The following SLC44A1 variants were observed in gnomAD, a reference collection of about 807,000 sequenced individuals.
The protein encoded by SLC44A1 is solute carrier family 44 member 1, also known as choline transporter-like protein 1.
In SLC44A1, 26 loss-of-function variants were observed where a neutral mutation model predicts 79.3. The ratio of observed to expected loss-of-function variants is 0.33; its 90% CI spans 0.24 to 0.46. The LOEUF (loss-of-function observed/expected upper bound fraction) is 0.46, where lower values mean the gene tolerates loss of function less well. SLC44A1 is among the 20% of genes least tolerant of loss of function. The pLI is 1.00. For missense variants in SLC44A1, 688 were observed against 798.1 expected (o/e 0.86, Z 1.66); for synonymous variants, 263 against 286.2 (o/e 0.92, Z 0.82).
intron 2 of SLC44A1, among the ~76,000 whole-genome samples, chr9:105,300,323 A>G (rs1423484777): frequency 1.3e-5 from 2 of 152,176 alleles, no homozygotes; most frequent in African/African-American, 2.4e-5. Context: ...TTAGTCTTCT[A>G]CAATTCAAAA....
chr9:105,388,338 G>A (rs2131476551), intron 15 of SLC44A1, among the ~76,000 whole-genome samples: 2 of 152,246 alleles, frequency 1.3e-5, no homozygotes, highest in South Asian at 4.1e-4. Flanking sequence ...ATAGAATTTA[G>A]GATTGCTTAT....
At chr9:105,416,683 G>A (rs1444099809) in intron 15 of SLC44A1, among the ~76,000 whole-genome samples, 3 of 152,208 alleles carry the variant, frequency 2.0e-5, no homozygotes, top group Non-Finnish European at 2.9e-5. Context: ...CTTATAAAGT[G>A]TGAGGCTGGA....
chr9:105,424,254 G>A (rs1332140873), intron 15 of SLC44A1, among the ~76,000 whole-genome samples: 1 of 152,168 alleles, frequency 6.6e-6, no homozygotes, highest in Admixed American at 6.5e-5. Flanking sequence ...CCACTCTCCA[G>A]AATCCTAGTA....
chr9:105,322,359 A>G (rs961779365), intron 3 of SLC44A1, among the ~76,000 whole-genome samples: 5 of 152,168 alleles, frequency 3.3e-5, no homozygotes, highest in Non-Finnish European at 7.4e-5. Context: ...GGGGCCAGTG[A>G]TGCTAAGTTT....
chr9:105,346,531 A>G (rs181814618), intron 4 of SLC44A1, among the ~76,000 whole-genome samples: 2 of 152,264 alleles, frequency 1.3e-5, no homozygotes, highest in East Asian at 3.9e-4. Context: ...TGATAATCAC[A>G]TTGGGTCCTC....
In SLC44A1 at chr9:105,396,957, G is replaced by T. The variant is rs1828889192; in HGVS notation, c.*7901G>T. The T allele has an allele frequency of 5.1e-6, 5 of 985,274 alleles. No individual in the cohort carries two copies. The highest frequency in any genetic ancestry group is 6.0e-6 in the Non-Finnish European group (5 of 829,830). The allele number at this position is 985,274 out of a possible 1,614,324, so 61.0% of individuals were successfully genotyped here. ...TGCTTGAACATGCCCCACAGACACA[G>T]TTGTAGCCCTAGTATTTGTGACGGT... On this transcript the variant is annotated 3_prime_UTR_variant, in exon 16 of 16. Transcript: ENST00000374720.
intron 14 of SLC44A1, among the ~76,000 whole-genome samples, chr9:105,383,933 C>T (rs572873130): frequency 2.0e-5 from 3 of 152,084 alleles, no homozygotes; most frequent in African/African-American, 7.2e-5. Flanking sequence ...ATATTAGAAC[C>T]TCAATTAAAT....
At chr9:105,337,946 C>A (rs1361605431) in intron 4 of SLC44A1, among the ~76,000 whole-genome samples, 8 of 152,162 alleles carry the variant, frequency 5.3e-5, no homozygotes, top group Non-Finnish European at 1.2e-4. Context: ...TTGTATTTCT[C>A]ACTGTGTCTT....
chr9:105,285,541 C>T (rs1588734223), intron 1 of SLC44A1, among the ~76,000 whole-genome samples: 1 of 152,174 alleles, frequency 6.6e-6, no homozygotes, highest in African/African-American at 2.4e-5. Context: ...GTTTATTTCA[C>T]CTGGGTGCAG....
At chr9:105,307,639 A>G (rs1458634575) in intron 2 of SLC44A1, among the ~76,000 whole-genome samples, 2 of 138,410 alleles carry the variant, frequency 1.4e-5, no homozygotes, top group Non-Finnish European at 3.0e-5. Flanking sequence ...GCTAGACTCC[A>G]TCTTAAAAAA....
At chr9:105,406,124 T>C (rs1308499470) in intron 15 of SLC44A1, among the ~76,000 whole-genome samples, 1 of 152,094 alleles carries the variant, frequency 6.6e-6, no homozygotes, top group Non-Finnish European at 1.5e-5. Flanking sequence ...TGGAAGGTGA[T>C]CTCTTTTTTT....
intron 5 of SLC44A1, among the ~76,000 whole-genome samples, chr9:105,351,600 A>AAAGAGAGAAAG (rs1554797164): frequency 0.014 from 620 of 43,126 alleles, 11 homozygotes; most frequent in South Asian, 0.05. Flanking sequence ...GAGAAAGAGA[A>AAAGAGAGAAAG]AGAAAGAAAG....
At chr9:105,412,747 A>G (rs1483205268) in intron 15 of SLC44A1, among the ~76,000 whole-genome samples, 4 of 151,934 alleles carry the variant, frequency 2.6e-5, no homozygotes, top group Admixed American at 1.3e-4. Context: ...GATTACAGAC[A>G]CCTGCCACCA....
At chr9:105,435,205 T>C (rs1829448696) in intron 15 of SLC44A1, among the ~76,000 whole-genome samples, 1 of 150,388 alleles carries the variant, frequency 6.6e-6, no homozygotes, top group East Asian at 1.9e-4. Flanking sequence ...TATAGTCTCC[T>C]GGATAGGATT....
At chr9:105,299,423 T>C in intron 2 of SLC44A1, 114 bp downstream of exon 2, 1 of 625,376 alleles carries the variant, frequency 1.6e-6, no homozygotes, top group Non-Finnish European at 2.5e-6. Context: ...AATTCAGTGG[T>C]ATTTTGTGTC....
chr9:105,304,965 T>G (rs1466265211), intron 2 of SLC44A1, among the ~76,000 whole-genome samples: 92 of 116,954 alleles, frequency 7.9e-4, no homozygotes, highest in African/African-American at 1.6e-3. Context: ...TTTTTTTTTT[T>G]TTTTTTTTTT....
Position 105,396,731 on chromosome 9 carries a change from T to A in SLC44A1, c.*7675T>A. 1.0e-6 allele frequency: 1 copy of A among 985,390 alleles called. No homozygotes were observed. Among genetic ancestry groups the A allele is most frequent in the Non-Finnish European group, 1.2e-6 (1 of 829,910 alleles). The allele number at this position is 985,390 out of a possible 1,614,324, so 61.0% of individuals were successfully genotyped here. A position where few individuals can be genotyped will look rare whatever the true frequency, so the allele number is the denominator to read the frequency against. On this transcript the variant is annotated 3_prime_UTR_variant, in exon 16 of 16. Coordinates refer to ENST00000374720, the MANE Select transcript of SLC44A1 (RefSeq NM_080546.5). ...CTGATGCCTTTTTGTCTTTTTTTTTTTTTGCCATTTGCATCCTATTTCATA... is the reference window on the plus strand; with the variant it reads ...CTGATGCCTTTTTGTCTTTTTTTTTATTTGCCATTTGCATCCTATTTCATA...
At chr9:105,304,037 T>C (rs996224441) in intron 2 of SLC44A1, among the ~76,000 whole-genome samples, 4 of 152,126 alleles carry the variant, frequency 2.6e-5, no homozygotes, top group African/African-American at 4.8e-5. Context: ...GTTGTGGACA[T>C]GTAGAATTTG....
chr9:105,358,153 G>A (rs749232463), intron 6 of SLC44A1, among the ~76,000 whole-genome samples, 191 bp from the exon 7 acceptor site: 2 of 152,094 alleles, frequency 1.3e-5, no homozygotes, highest in Non-Finnish European at 2.9e-5. Context: ...CTTTGGTTTC[G>A]AGTGATGCTA....
Sources: allele counts gnomAD v4.1 joint callset (sites outside exome capture counted in the v4.1 genomes callset), GRCh38; gene constraint gnomAD v4.1.1; transcripts MANE v1.5; gene names NCBI Gene and HGNC (gene_info 2026-07-23, HGNC 2026-07-21).